The following CFAP20DC variants were observed in gnomAD, a reference collection of about 807,000 sequenced individuals.
CFAP20DC encodes the protein protein CFAP20DC.
CFAP20DC carries 84 observed loss-of-function variants against 101.7 expected under a neutral mutation model. The ratio of observed to expected loss-of-function variants is 0.83; its 90% CI spans 0.69 to 0.99. The LOEUF (loss-of-function observed/expected upper bound fraction) is 0.99, where lower values mean the gene tolerates loss of function less well. CFAP20DC is among the 50% of genes least tolerant of loss of function. The pLI is 0.00. For missense variants in CFAP20DC, 1,007 were observed against 970.3 expected (o/e 1.04, Z -0.50); for synonymous variants, 359 against 351.2 (o/e 1.02, Z -0.25).
intron 14 of CFAP20DC, among the ~76,000 whole-genome samples, chr3:58,807,707 G>C (rs1437379679): frequency 6.6e-6 from 1 of 152,232 alleles, no homozygotes; most frequent in African/African-American, 2.4e-5. Context: ...GAACAAAGCT[G>C]GATGGAGAAT....
chr3:58,905,390 T>C (rs1393264464), intron 6 of CFAP20DC, among the ~76,000 whole-genome samples: 2 of 152,202 alleles, frequency 1.3e-5, no homozygotes, highest in Non-Finnish European at 2.9e-5. Context: ...TAATCAATAA[T>C]TCAGTCATAG....
At chr3:58,794,494 G>C (rs151159670) in intron 15 of CFAP20DC, among the ~76,000 whole-genome samples, 3 of 152,102 alleles carry the variant, frequency 2.0e-5, no homozygotes, top group African/African-American at 7.2e-5. Context: ...GTTTTTATAT[G>C]GTAATGAACA....
chr3:58,720,961 C>A lies in CFAP20DC; in HGVS notation c.198-3333G>T, dbSNP rs567950547. ...CCACATGCTTGCTTGGGATGCGGCA[C>A]TTGGGGAGGGTGGCGGGAGAGGAGA... On this transcript the variant is annotated intron_variant, in intron 3 of 3. Coordinates refer to the CFAP20DC transcript ENST00000486145. 4.2e-4 allele frequency among the ~76,000 whole-genome samples: 64 copies of A among 152,260 alleles called. No individual in the cohort carries two copies. In the South Asian group the frequency reaches 0.012, roughly 29 times the overall value.
chr3:58,966,064 C>T (rs2091496406), intron 4 of CFAP20DC, among the ~76,000 whole-genome samples: 1 of 152,210 alleles, frequency 6.6e-6, no homozygotes, highest in Non-Finnish European at 1.5e-5. Flanking sequence ...GGCTGAGTAT[C>T]AGTAAAGTAC....
intron 15 of CFAP20DC, among the ~76,000 whole-genome samples, chr3:58,806,173 C>T (rs1489770833): frequency 6.6e-6 from 1 of 152,124 alleles, no homozygotes; most frequent in Non-Finnish European, 1.5e-5. Flanking sequence ...AAATGACTTA[C>T]CCAAAATTCC....
intron 16 of CFAP20DC, among the ~76,000 whole-genome samples, chr3:58,748,816 G>A (rs759227166): frequency 4.6e-5 from 7 of 152,336 alleles, no homozygotes; most frequent in Non-Finnish European, 1.0e-4. Context: ...ACACTACAGT[G>A]TGGGATTTAA....
chr3:58,949,087 A>G (rs1349511974), intron 4 of CFAP20DC, among the ~76,000 whole-genome samples: 3 of 152,098 alleles, frequency 2.0e-5, no homozygotes, highest in African/African-American at 4.8e-5. Flanking sequence ...AGAGGTGTTT[A>G]TAGTATTCTC....
At chr3:58,839,856 TCTTAGTGACTACTG>T (rs1277034597) in intron 13 of CFAP20DC, among the ~76,000 whole-genome samples, 1 of 152,214 alleles carries the variant, frequency 6.6e-6, no homozygotes, top group African/African-American at 2.4e-5. Flanking sequence ...TATCAAAATG[TCTTAGTGACTACTG>T]CTATTCCATA....
At chr3:58,878,680 G>A (rs568553602) in intron 7 of CFAP20DC, among the ~76,000 whole-genome samples, 19 of 152,138 alleles carry the variant, frequency 1.2e-4, no homozygotes, top group Admixed American at 1.1e-3. Flanking sequence ...AAACTATTAC[G>A]GTCATGAGAA....
chr3:58,836,132 G>A (rs1381340193), intron 13 of CFAP20DC, among the ~76,000 whole-genome samples: 2 of 151,984 alleles, frequency 1.3e-5, no homozygotes, highest in Non-Finnish European at 2.9e-5. Context: ...AGACATTATT[G>A]GGAGCCTACA....
At chr3:58,828,775 G>A (rs1402467797) in intron 14 of CFAP20DC, among the ~76,000 whole-genome samples, 1 of 151,696 alleles carries the variant, frequency 6.6e-6, no homozygotes, top group Non-Finnish European at 1.5e-5. Context: ...TGACAAATGT[G>A]CACATGTACC....
chr3:58,806,427 T>C lies in CFAP20DC; in HGVS notation c.2205A>G (p.Lys735=). The C allele has an allele frequency of 6.2e-7, 1 of 1,612,330 alleles. No individual in the cohort carries two copies. Among genetic ancestry groups the C allele is most frequent in the Non-Finnish European group, 8.5e-7 (1 of 1,178,312 alleles). Residue 735 remains lysine (K), a synonymous_variant, in exon 15 of 17, where the codon AAA becomes AAG. Transcript: ENST00000482387. ...TAGAAGGAGAAGGTGGGTTCATTTC[T>C]TTCTGATAGTGGCGACCCTGGTTGA... ...PPVNQGRHYQ[K]EMNPPSPSNP...
At chr3:58,886,279 T>C (rs931594973) in intron 6 of CFAP20DC, among the ~76,000 whole-genome samples, 1 of 152,084 alleles carries the variant, frequency 6.6e-6, no homozygotes, top group Admixed American at 6.5e-5. Flanking sequence ...GTTAAGTACA[T>C]AACAGTGTTT....
chr3:58,954,787 G>A (rs865976545), intron 4 of CFAP20DC, among the ~76,000 whole-genome samples: 4 of 151,974 alleles, frequency 2.6e-5, no homozygotes, highest in Admixed American at 2.6e-4. Context: ...ATACACTGTA[G>A]CTCATTTCTT....
chr3:58,913,942 T>G lies in CFAP20DC; in HGVS notation c.394-78A>C, dbSNP rs1004898760. 2 of 1,472,298 alleles carry G rather than the reference T, an allele frequency of 1.4e-6. No homozygotes were observed. The highest frequency in any genetic ancestry group is 4.6e-5 in the East Asian group (2 of 43,704). The allele number at this position is 1,472,298 out of a possible 1,614,324, so 91.2% of individuals were successfully genotyped here. A position where few individuals can be genotyped will look rare whatever the true frequency, so the allele number is the denominator to read the frequency against. On this transcript the variant is annotated intron_variant, in intron 5 of 16. Transcript: ENST00000482387. This position sits in a 1 kb window ranked among gnomAD's most constrained non-coding sequence, Gnocchi z 4.4. ...GAACAAACCATCTATATGTAGACAT[T>G]CAAAGAGTTGAGGCAGTTATCCTGA... is the stretch of plus-strand genomic sequence containing the variant.
Position 59,007,527 on chromosome 3 carries a change from C to T in CFAP20DC, c.278+32030G>A, listed in dbSNP as rs578060779. 9.2e-5 allele frequency among the ~76,000 whole-genome samples: 14 copies of T among 152,318 alleles called. No individual in the cohort carries two copies. The highest frequency in any genetic ancestry group is 1.3e-4 in the Non-Finnish European group (9 of 68,022). ...ACAAGAGGGCCTGAGTCTGTCCATG[C>T]GACAACTTCACTGCTAGCATAACCA... On this transcript the variant is annotated intron_variant, in intron 4 of 16. Transcript: ENST00000482387. This position sits in a 1 kb window ranked among gnomAD's most constrained non-coding sequence, Gnocchi z 4.4.
intron 4 of CFAP20DC, among the ~76,000 whole-genome samples, chr3:58,985,319 C>G (rs1308909471): frequency 6.6e-6 from 1 of 151,978 alleles, no homozygotes; most frequent in African/African-American, 2.4e-5. Context: ...GAAGTATATT[C>G]CTTCCTCTTC....
At position 58,985,145 on chromosome 3, in the gene CFAP20DC, C is replaced by T. The variant is rs567423283; in HGVS notation, c.279-47383G>A. Among the ~76,000 whole-genome samples the T allele has an allele frequency of 1.3e-3, 201 of 152,252 alleles. 10 individuals carry two copies. The South Asian group carries it at 0.041, about 31-fold the overall frequency. ...GTTTTGCTATGTTGCCCAGACTAGTCTTGAACTCTTGTGCTCAAGCCATCC... is the reference window on the plus strand; with the variant it reads ...GTTTTGCTATGTTGCCCAGACTAGTTTTGAACTCTTGTGCTCAAGCCATCC... On this transcript the variant is annotated intron_variant, in intron 4 of 16. Coordinates refer to ENST00000482387, the MANE Select transcript of CFAP20DC (RefSeq NM_001394063.1).
chr3:58,830,171 C>A (rs1446911940), intron 14 of CFAP20DC, among the ~76,000 whole-genome samples: 2 of 152,126 alleles, frequency 1.3e-5, no homozygotes, highest in Admixed American at 6.5e-5. Context: ...CAAGAGAAAC[C>A]TGAAGGTATG....
Sources: gnomAD v4.1 joint callset for allele counts (sites outside exome capture counted in the v4.1 genomes callset) on GRCh38, gnomAD v4.1.1 for gene constraint, Gnocchi (gnomAD v3.1) non-coding constraint, MANE v1.5 for transcripts, NCBI Gene and HGNC (gene_info 2026-07-23, HGNC 2026-07-21) for gene names.